HYLS1: variants seen among roughly 807,000 people sequenced by gnomAD.
HYLS1 encodes HYLS1 centriolar and ciliogenesis associated.
HYLS1 carries 25 observed loss-of-function variants against 29.4 expected under a neutral mutation model. That is an observed-to-expected ratio of 0.85 (90% CI 0.62 to 1.19). The LOEUF is 1.19. Among genes scored for constraint, HYLS1 ranks in the 50% most tolerant of loss-of-function variants. The pLI is 0.00. For synonymous variants in HYLS1, 128 were observed against 126.7 expected, an observed-to-expected ratio of 1.01 and a Z score of -0.07; for missense variants, 352 against 365.1, an observed-to-expected ratio of 0.96 and a Z score of 0.29.
upstream of HYLS1, among the ~76,000 whole-genome samples, chr11:125,885,057 C>G (rs761212316): frequency 2.0e-5 from 3 of 152,174 alleles, no homozygotes; most frequent in Admixed American, 6.5e-5. Flanking sequence ...TTGGGTAGAA[C>G]ACAAGATACC....
Position 125,900,224 on chromosome 11 carries a change from G to C in HYLS1, c.856G>C (p.Gly286Arg). 1 of 1,614,084 alleles carries C rather than the reference G, an allele frequency of 6.2e-7. No individual in the cohort carries two copies. The highest frequency in any genetic ancestry group is 8.5e-7 in the Non-Finnish European group (1 of 1,179,984). ...RWGVRCDLAN[G>R]VIPRKLPFPL... ...GGGTGTTCGTTGTGACCTTGCAAATGGTGTCATACCCAGGAAGCTTCCCTT... is the reference window on the plus strand; with the variant it reads ...GGGTGTTCGTTGTGACCTTGCAAATCGTGTCATACCCAGGAAGCTTCCCTT... The change falls in exon 3 of 3, where the codon GGT (glycine) becomes CGT (arginine). Residue 286 changes from glycine (G) to arginine (R), a missense_variant. Coordinates refer to ENST00000425380, the MANE Select transcript of HYLS1 (RefSeq NM_001134793.2).
chr11:125,887,723 G>A lies in HYLS1; in HGVS notation c.-118G>A, dbSNP rs1004147195. ...ACAGAATCTGCGGTGCTCTGCTGGC[G>A]ACTGGCAGGACGCGGTGCAGAGAGC... On this transcript the variant is annotated 5_prime_UTR_variant, in exon 1 of 3. Transcript: ENST00000425380. 6.6e-6 allele frequency: 1 copy of A among 152,294 alleles called. No homozygotes were observed. Among genetic ancestry groups the A allele is most frequent in the Non-Finnish European group, 1.5e-5 (1 of 68,066 alleles). 9.4% of individuals were successfully genotyped at this position (152,294 alleles called of 1,614,324 possible).
chr11:125,893,784 G>A, intron 2 of HYLS1: 8 of 1,605,292 alleles, frequency 5.0e-6, no homozygotes, highest in South Asian at 1.1e-5. Flanking sequence ...ATTGTCTATG[G>A]TTAAATGATG....
At chr11:125,894,272 A>T in intron 2 of HYLS1, 1 of 1,607,332 alleles carries the variant, frequency 6.2e-7, no homozygotes, top group Non-Finnish European at 8.5e-7. Context: ...GACTAGAGGA[A>T]ATTCTACAGC....
chr11:125,895,832 A>C (rs376238936), intron 2 of HYLS1: 9 of 1,580,600 alleles, frequency 5.7e-6, no homozygotes, highest in African/African-American at 1.3e-5. Flanking sequence ...AGACACAAAT[A>C]ATCTCAGTAC....
chr11:125,886,157 C>T (rs967913339), upstream of HYLS1, among the ~76,000 whole-genome samples: 2 of 152,096 alleles, frequency 1.3e-5, no homozygotes, highest in East Asian at 1.9e-4. Flanking sequence ...AGGTTGGGAC[C>T]GCTGCACTAA....
At position 125,891,207 on chromosome 11, in the gene HYLS1, A is replaced by G. The variant is rs544428961; in HGVS notation, c.-75-216A>G. Among the ~76,000 whole-genome samples, 11 of 152,300 alleles carry G rather than the reference A, an allele frequency of 7.2e-5. No homozygotes were observed. In the South Asian group the frequency reaches 2.3e-3, roughly 32 times the overall value. On this transcript the variant is annotated intron_variant, in intron 1 of 2. Coordinates refer to ENST00000425380, the MANE Select transcript of HYLS1 (RefSeq NM_001134793.2). ...TGACTGTCTTGACTTTTTCTATGGC[A>G]ACTACCAAAAATGTAGTCACTAAAT...
At chr11:125,893,656 T>G (rs957619830) in intron 2 of HYLS1, 3 of 765,244 alleles carry the variant, frequency 3.9e-6, no homozygotes, top group Non-Finnish European at 3.9e-6. Flanking sequence ...GCTTTAGTCT[T>G]TTTGCTTTTT....
In HYLS1 at chr11:125,900,087, G is replaced by T. The variant is rs774767470; in HGVS notation, c.719G>T (p.Gly240Val). 2.1e-5 allele frequency: 34 copies of T among 1,614,194 alleles called. No individual in the cohort carries two copies. In the South Asian group the frequency reaches 3.5e-4, roughly 17 times the overall value. ...GATCATAGAAAGGAATTACGCTGGGGTGTCCGAGAGCAGATGCTTTGTCGA... is the reference window on the plus strand; with the variant it reads ...GATCATAGAAAGGAATTACGCTGGGTTGTCCGAGAGCAGATGCTTTGTCGA... ...GEDHRKELRW[G>V]VREQMLCRAE... Residue 240 changes from glycine (G) to valine (V), a missense_variant, in exon 3 of 3, where the codon GGT (glycine) becomes GTT (valine). By Grantham distance (109) the Gly-to-Val change is moderately radical. Transcript: ENST00000425380.
intron 2 of HYLS1, among the ~76,000 whole-genome samples, chr11:125,892,976 T>C (rs186318763): frequency 1.3e-5 from 2 of 152,228 alleles, no homozygotes; most frequent in Non-Finnish European, 2.9e-5. Flanking sequence ...TCTAACCCTT[T>C]ATACAAACTG....
chr11:125,891,823 C>T (rs1944415428), intron 2 of HYLS1, among the ~76,000 whole-genome samples: 1 of 152,176 alleles, frequency 6.6e-6, no homozygotes, highest in Non-Finnish European at 1.5e-5. Context: ...ACTACAGGGT[C>T]ACCTCACCTT....
intron 2 of HYLS1, chr11:125,896,195 C>A: frequency 6.2e-7 from 1 of 1,614,068 alleles, no homozygotes; most frequent in Non-Finnish European, 8.5e-7. Context: ...TGGCCTGTTC[C>A]TTTTTAAGTC....
chr11:125,892,775 C>T (rs1944448471), intron 2 of HYLS1, among the ~76,000 whole-genome samples: 1 of 152,206 alleles, frequency 6.6e-6, no homozygotes, highest in African/African-American at 2.4e-5. Flanking sequence ...CCACAGAATA[C>T]TCAGAGCAAT....
At chr11:125,887,651 T>G (rs1393767832), upstream of HYLS1, 1 of 152,320 alleles carries the variant, frequency 6.6e-6, no homozygotes, top group Admixed American at 6.5e-5. Context: ...AACCGCAGGC[T>G]CGGCGCGTGG....
At chr11:125,885,741 C>G (rs1944295031), upstream of HYLS1, among the ~76,000 whole-genome samples, 2 of 152,256 alleles carry the variant, frequency 1.3e-5, no homozygotes, top group Non-Finnish European at 2.9e-5. Flanking sequence ...GCCGTAGGAG[C>G]TTCATCTGTT....
intron 2 of HYLS1, chr11:125,895,447 T>C (rs758375656): frequency 2.5e-5 from 40 of 1,614,032 alleles, no homozygotes; most frequent in Non-Finnish European, 3.3e-5. Context: ...GCAGATAGAA[T>C]AGTCCTCTGA....
At chr11:125,890,353 T>C (rs1944388630) in intron 1 of HYLS1, among the ~76,000 whole-genome samples, 1 of 152,228 alleles carries the variant, frequency 6.6e-6, no homozygotes, top group South Asian at 2.1e-4. Context: ...TTACTGATTT[T>C]TAAACGTGTT....
At chr11:125,890,113 C>CTT (rs757739689) in intron 1 of HYLS1, among the ~76,000 whole-genome samples, 2 of 150,908 alleles carry the variant, frequency 1.3e-5, no homozygotes, top group Admixed American at 1.3e-4. Flanking sequence ...AATCTTTTTT[C>CTT]TTTTTTTTTG....
upstream of HYLS1, chr11:125,887,650 C>A (rs1446482067): frequency 1.3e-5 from 2 of 152,358 alleles, no homozygotes; most frequent in Non-Finnish European, 2.9e-5. Flanking sequence ...TAACCGCAGG[C>A]TCGGCGCGTG....
Sources: gnomAD v4.1 joint callset for allele counts (sites outside exome capture counted in the v4.1 genomes callset) on GRCh38, gnomAD v4.1.1 for gene constraint, MANE v1.5 for transcripts, NCBI Gene and HGNC (gene_info 2026-07-23, HGNC 2026-07-21) for gene names.